Variants in ACP2 observed in about 807,000 individuals in gnomAD.
ACP2 encodes acid phosphatase 2, lysosomal.
ACP2 carries 35 observed loss-of-function variants against 54.7 expected under a neutral mutation model. The ratio of observed to expected loss-of-function variants is 0.64; its 90% CI spans 0.49 to 0.85. ACP2 has a LOEUF of 0.85. Among genes scored for constraint, ACP2 ranks in the 40% least tolerant of loss-of-function variants. The pLI, the probability that ACP2 is intolerant of heterozygous loss-of-function variation, is 0.00. For synonymous variants in ACP2, 210 were observed against 224.4 expected (o/e 0.94, Z 0.57); for missense variants, 492 against 565.0 (o/e 0.87, Z 1.31).
chr11:47,245,394 G>T lies in ACP2; in HGVS notation c.550C>A (p.Gln184Lys). 1.2e-6 allele frequency: 2 copies of T among 1,614,158 alleles called. No individual in the cohort carries two copies. Among genetic ancestry groups the T allele is most frequent in the Non-Finnish European group, 1.7e-6 (2 of 1,180,024 alleles). The stretch of plus-strand genomic sequence containing the variant: ...TCGTTGGCCACCATGTCCAGAAATT[G>T]CTATGAAAAATGGATCAGGGTCTCA... ...EYQNESSRNAQFLDMVANETG... is the reference protein window; with the variant it reads ...EYQNESSRNAKFLDMVANETG... Residue 184 changes from glutamine (Q) to lysine (K), a missense_variant and splice_region_variant, in exon 6 of 11, where the codon CAA (glutamine) becomes AAA (lysine). Transcript: ENST00000672073.
chr11:47,246,753 G>A (rs1402852904), intron 3 of ACP2, among the ~76,000 whole-genome samples: 4 of 152,088 alleles, frequency 2.6e-5, no homozygotes, highest in Non-Finnish European at 5.9e-5. Flanking sequence ...GCACACACCT[G>A]TAATCCCAGC....
At position 47,248,145 on chromosome 11, in the gene ACP2, A is replaced by C. The variant is rs1463410657; in HGVS notation, c.115-12T>G. On this transcript the variant is annotated splice_polypyrimidine_tract_variant and intron_variant, in intron 1 of 10. Coordinates refer to ENST00000672073, the MANE Select transcript of ACP2 (RefSeq NM_001610.4). ...CCATGGCGGTACAGCTGAGAGAATA[A>C]AATGGTTTGCCTATAGGTCAGAAGC... 6.3e-7 allele frequency: 1 copy of C among 1,590,522 alleles called. No homozygotes were observed. The highest frequency in any genetic ancestry group is 1.9e-5 in the Admixed American group (1 of 53,966).
At chr11:47,240,724 G>A (rs1953852424) in intron 10 of ACP2, among the ~76,000 whole-genome samples, 1 of 152,072 alleles carries the variant, frequency 6.6e-6, no homozygotes, top group Admixed American at 6.6e-5. Flanking sequence ...GGGAGGCTGA[G>A]GCAGGAGAAT....
Position 47,245,681 on chromosome 11 carries a change from C to T in ACP2, c.450+1G>A. 6.2e-7 allele frequency: 1 copy of T among 1,613,286 alleles called. No individual in the cohort carries two copies. On this transcript the variant is annotated splice_donor_variant, in intron 4 of 10. Transcript: ENST00000672073. LOFTEE classifies it high-confidence loss of function. Reference sequence around the variant, plus strand: ...CCCAGGGAAGGGCTGGCCACTCTTACCCTGTCCTCAGTGATGGGCACAGTG... The same window carrying T: ...CCCAGGGAAGGGCTGGCCACTCTTATCCTGTCCTCAGTGATGGGCACAGTG...
Position 47,248,070 on chromosome 11 carries a change from C to T in ACP2, c.178G>A (p.Glu60Lys). ...AACTGACCAAACCCCTGGGGCCATT[C>T]TTCTTCCTGATAGGGGTCCTTGGGA... ...TYPKDPYQEE[E>K]WPQGFGQLTK... The change falls in exon 2 of 11, where the codon GAA (glutamate) becomes AAA (lysine). Residue 60 changes from glutamate to lysine, a missense_variant. By Grantham distance (56) the Glu-to-Lys change is moderately conservative (BLOSUM62 1). Transcript: ENST00000672073. The T allele has an allele frequency of 1.2e-6, 2 of 1,610,506 alleles. No individual in the cohort carries two copies. Among genetic ancestry groups the T allele is most frequent in the Non-Finnish European group, 8.5e-7 (1 of 1,178,992 alleles).
At chr11:47,246,388 C>T (rs916003040) in intron 3 of ACP2, among the ~76,000 whole-genome samples, 1 of 152,080 alleles carries the variant, frequency 6.6e-6, no homozygotes, top group Admixed American at 6.6e-5. Flanking sequence ...CCAGCCTGGG[C>T]AACATAGTGA....
At position 47,240,063 on chromosome 11, in the gene ACP2, G is replaced by T. The variant is rs1265365994; in HGVS notation, c.*53C>A. ...CTGGGGAGCAGCAACAGTCAGGAGC[G>T]AGGGCCCAGCCCACCTCCCCTAGGA... is the stretch of plus-strand genomic sequence containing the variant. On this transcript the variant is annotated 3_prime_UTR_variant, in exon 11 of 11. Coordinates refer to ENST00000672073, the MANE Select transcript of ACP2 (RefSeq NM_001610.4). 4 of 1,570,002 alleles carry T rather than the reference G, an allele frequency of 2.5e-6. No homozygotes were observed. Among genetic ancestry groups the T allele is most frequent in the South Asian group, 2.3e-5 (2 of 85,636 alleles).
Position 47,244,865 on chromosome 11 carries a change from T to TTGCTG in ACP2, c.640-3_641dup (p.Gln214HisfsTer24), listed in dbSNP as rs753707451. 6 of 1,603,700 alleles carry TTGCTG rather than the reference T, an allele frequency of 3.7e-6. No homozygotes were observed. Among genetic ancestry groups the TTGCTG allele is most frequent in the Non-Finnish European group, 4.3e-6 (5 of 1,173,094 alleles). On this transcript the variant is annotated frameshift_variant and splice_region_variant, in exon 7 of 11. Coordinates refer to ENST00000672073, the MANE Select transcript of ACP2 (RefSeq NM_001610.4). LOFTEE classifies it high-confidence loss of function. Reference sequence around the variant, plus strand: ...AGGGCGGCAGGCGCAGCCCGTGCGTTTGCTGTGTATCGCAGCAGGCAGGTT... The same window carrying TTGCTG: ...AGGGCGGCAGGCGCAGCCCGTGCGTTTGCTGTGCTGTGTATCGCAGCAGGCAGGTT...
intron 1 of ACP2, chr11:47,248,450 C>T: frequency 6.5e-7 from 1 of 1,544,298 alleles, no homozygotes; most frequent in South Asian, 1.2e-5. Flanking sequence ...GAGTCTTAAC[C>T]ATTCAACCAC....
intron 3 of ACP2, 106 bp from the exon 4 acceptor site, chr11:47,245,940 G>A (rs1358821791): frequency 7.0e-7 from 1 of 1,424,210 alleles, no homozygotes; most frequent in African/African-American, 1.4e-5. Context: ...GTGTGTGTGT[G>A]GTGGGAAGTT....
Position 47,239,987 on chromosome 11 carries a change from C to G in ACP2, c.*129G>C, listed in dbSNP as rs905326528. On this transcript the variant is annotated 3_prime_UTR_variant, in exon 11 of 11. Transcript: ENST00000672073. Reference sequence around the variant, plus strand: ...GCCACGCTGAGCCCCACTCGCTCATCTGGCTGGGGTCATCAGAGGGAGGCC... The same window carrying G: ...GCCACGCTGAGCCCCACTCGCTCATGTGGCTGGGGTCATCAGAGGGAGGCC... 5 of 976,928 alleles carry G rather than the reference C, an allele frequency of 5.1e-6. No individual in the cohort carries two copies. The African/African-American group carries it at 8.1e-5, about 16-fold the overall frequency. The allele number at this position is 976,928 out of a possible 1,614,324, so 60.5% of individuals were successfully genotyped here.
chr11:47,243,071 T>C lies in ACP2; in HGVS notation c.909A>G (p.Glu303=), dbSNP rs1027381845. ...TGTGGCAGGAGGCGTAGGGGGCTTG[T>C]TCACCATTGTAGACATCCAGTGCCA... The part of the protein sequence containing the change: ...LQMALDVYNG[E]QAPYASCHIF... Residue 303 remains glutamate, a synonymous_variant, in exon 9 of 11, where the codon GAA becomes GAG. Transcript: ENST00000672073. 3 of 1,614,110 alleles carry C rather than the reference T, an allele frequency of 1.9e-6. No homozygotes were observed. In the African/African-American group the frequency reaches 4.0e-5, roughly 22 times the overall value.
At chr11:47,245,161 G>A in intron 6 of ACP2, 144 bp downstream of exon 6, 1 of 997,790 alleles carries the variant, frequency 1.0e-6, no homozygotes, top group African/African-American at 1.6e-5. Flanking sequence ...CACCCATGAG[G>A]GAAGTTCCCG....
intron 3 of ACP2, chr11:47,247,429 T>G (rs1163837188): frequency 8.2e-6 from 5 of 606,498 alleles, no homozygotes; most frequent in East Asian, 2.8e-5. Context: ...CGAATTTGGA[T>G]GCTTAATCAA....
chr11:47,241,214 T>A (rs1953868317), intron 10 of ACP2, among the ~76,000 whole-genome samples: 1 of 152,214 alleles, frequency 6.6e-6, no homozygotes, highest in Admixed American at 6.5e-5. Context: ...TGAACTGGTT[T>A]ACATTTTTTA....
intron 3 of ACP2, chr11:47,247,386 C>T: frequency 5.3e-6 from 3 of 564,320 alleles, no homozygotes; most frequent in Non-Finnish European, 9.5e-6. Context: ...ATTTCACAGT[C>T]AGAAACCACT....
intron 10 of ACP2, 118 bp from the exon 11 acceptor site, chr11:47,240,367 G>A: frequency 1.6e-6 from 1 of 618,368 alleles, no homozygotes. Flanking sequence ...CTCTCATGGA[G>A]TTTACATTCT....
At position 47,243,130 on chromosome 11, in the gene ACP2, G is replaced by A; in HGVS notation, c.856-6C>T. ...GCAACCAGGGTAGTGTCGTGCTGCG[G>A]GGGAGAGGGGCTGCCCGTCAGCATT... On this transcript the variant is annotated splice_polypyrimidine_tract_variant and splice_region_variant and intron_variant, in intron 8 of 10. Coordinates refer to ENST00000672073, the MANE Select transcript of ACP2 (RefSeq NM_001610.4). 1 of 1,614,124 alleles carries A rather than the reference G, an allele frequency of 6.2e-7. No homozygotes were observed. The highest frequency in any genetic ancestry group is 8.5e-7 in the Non-Finnish European group (1 of 1,179,978).
Position 47,248,123 on chromosome 11 carries a change from T to A in ACP2, c.125A>T (p.His42Leu), listed in dbSNP as rs990543908. The A allele has an allele frequency of 6.2e-6, 10 of 1,606,710 alleles. No individual in the cohort carries two copies. Among genetic ancestry groups the A allele is most frequent in the Non-Finnish European group, 8.5e-6 (10 of 1,177,754 alleles). ...SLRFVTLLYR[H>L]GDRSPVKTYP... is the part of the protein sequence containing the mutation. ...TGTCTTCACTGGTGAACGGTCTCCA[T>A]GGCGGTACAGCTGAGAGAATAAAAT... The change falls in exon 2 of 11, where the codon CAT (histidine) becomes CTT (leucine). Residue 42 changes from histidine (H) to leucine (L), a missense_variant. Transcript: ENST00000672073.
Sources: allele counts gnomAD v4.1 joint callset (sites outside exome capture counted in the v4.1 genomes callset), GRCh38; gene constraint gnomAD v4.1.1; transcripts MANE v1.5; gene names NCBI Gene and HGNC (gene_info 2026-07-23, HGNC 2026-07-21).